Variants in LINGO2 observed in about 807,000 individuals in gnomAD.
LINGO2 encodes leucine rich repeat and Ig domain containing 2.
LINGO2 carries 14 observed loss-of-function variants against 30.6 expected under a neutral mutation model. The observed-to-expected ratio is 0.46, with a 90% confidence interval of 0.30 to 0.72. LINGO2 has a LOEUF of 0.72. Ranked by LOEUF, LINGO2 falls within the 30% of genes least tolerant of loss-of-function variation. The pLI is 0.07. For synonymous variants in LINGO2, 317 were observed against 288.5 expected (o/e 1.10, Z -1.00); for missense variants, 729 against 751.7 (o/e 0.97, Z 0.35).
intron 3 of LINGO2, among the ~76,000 whole-genome samples, chr9:28,346,035 GATTTATCAGA>G (rs1819551641): frequency 1.3e-5 from 2 of 152,238 alleles, no homozygotes; most frequent in African/African-American, 4.8e-5. Flanking sequence ...ACAGATTTCT[GATTTATCAGA>G]AACAAAGACC....
intron 1 of LINGO2, among the ~76,000 whole-genome samples, chr9:28,528,841 T>G (rs1456254208): frequency 6.6e-6 from 1 of 152,110 alleles, no homozygotes; most frequent in South Asian, 2.1e-4. Context: ...TGTATATATA[T>G]TCAAATAAAA....
the LINGO2 span, among the ~76,000 whole-genome samples, chr9:28,866,638 C>T: frequency 6.6e-6 from 1 of 152,236 alleles, no homozygotes; most frequent in East Asian, 1.9e-4. Context: ...ACATTGCAGG[C>T]AGTTACAGGA....
chr9:28,881,000 A>G, the LINGO2 span, among the ~76,000 whole-genome samples: 45 of 152,170 alleles, frequency 3.0e-4, no homozygotes, highest in African/African-American at 8.7e-4. Context: ...CTGCTCTCCG[A>G]CTACATTCCT....
intron 4 of LINGO2, among the ~76,000 whole-genome samples, chr9:28,077,931 C>T (rs1825672507): frequency 6.7e-6 from 1 of 148,902 alleles, no homozygotes; most frequent in Non-Finnish European, 1.5e-5. Flanking sequence ...AAAGAGCAGG[C>T]CTGATTTCAT....
At chr9:28,512,223 C>A (rs1820416830) in intron 1 of LINGO2, among the ~76,000 whole-genome samples, 2 of 152,064 alleles carry the variant, frequency 1.3e-5, no homozygotes. Context: ...GCAGTTCAGG[C>A]TGCATGGTGA....
At chr9:28,519,207 T>G (rs972568152) in intron 1 of LINGO2, among the ~76,000 whole-genome samples, 1 of 150,254 alleles carries the variant, frequency 6.7e-6, no homozygotes, top group Non-Finnish European at 1.5e-5. Context: ...AATTTTGTAT[T>G]TTTTTTTTAG....
chr9:27,993,243 A>T (rs1245040073), intron 5 of LINGO2, among the ~76,000 whole-genome samples: 1 of 152,088 alleles, frequency 6.6e-6, no homozygotes. Context: ...ACATGCATCC[A>T]AAGTTAAGAA....
the LINGO2 span, among the ~76,000 whole-genome samples, chr9:28,867,565 T>C: frequency 4.0e-5 from 6 of 151,802 alleles, no homozygotes; most frequent in South Asian, 1.0e-3. Context: ...AATCACAAAG[T>C]TATTGGAATT....
At chr9:27,956,930 A>G (rs1819599381) in intron 5 of LINGO2, among the ~76,000 whole-genome samples, 1 of 151,986 alleles carries the variant, frequency 6.6e-6, no homozygotes, top group African/African-American at 2.4e-5. Context: ...TCATATCTAC[A>G]AAAATAAAAA....
At chr9:28,436,155 C>T (rs530745605) in intron 2 of LINGO2, among the ~76,000 whole-genome samples, 48 of 152,256 alleles carry the variant, frequency 3.2e-4, no homozygotes, top group Non-Finnish European at 6.3e-4. Context: ...CCTGTAATTG[C>T]AAGGACTTCA....
chr9:28,764,031 A>C, the LINGO2 span, among the ~76,000 whole-genome samples: 1 of 151,606 alleles, frequency 6.6e-6, no homozygotes, highest in Non-Finnish European at 1.5e-5. Flanking sequence ...GTAATGAAAA[A>C]CCTCCCAACA....
chr9:28,624,534 A>T (rs1486757231), intron 1 of LINGO2, among the ~76,000 whole-genome samples: 1 of 152,050 alleles, frequency 6.6e-6, no homozygotes, highest in African/African-American at 2.4e-5. Flanking sequence ...GGTCATGGTA[A>T]ATGATCTTTT....
At chr9:28,407,870 G>T (rs1256428598) in intron 2 of LINGO2, among the ~76,000 whole-genome samples, 2 of 152,008 alleles carry the variant, frequency 1.3e-5, no homozygotes, top group Non-Finnish European at 2.9e-5. Flanking sequence ...CCCCAATGAA[G>T]TCTTCTTTGT....
intron 1 of LINGO2, among the ~76,000 whole-genome samples, chr9:28,526,969 C>T (rs748487589): frequency 6.6e-6 from 1 of 152,082 alleles, no homozygotes; most frequent in Non-Finnish European, 1.5e-5. Flanking sequence ...AATGAGCCAT[C>T]TTTTTATGAA....
chr9:28,567,254 GAACT>G lies in LINGO2; in HGVS notation c.-364-91233_-364-91230del, dbSNP rs997654427. ...AAAATTTCTCAAAGAATTAAAAATA[GAACT>G]AACTACCATTTGACCCAGCAATACC... On this transcript the variant is annotated intron_variant, in intron 1 of 5. Coordinates refer to ENST00000379992, the Ensembl canonical transcript of LINGO2. 1.2e-4 allele frequency among the ~76,000 whole-genome samples: 18 copies of G among 152,128 alleles called. 1 individual carries two copies. Among genetic ancestry groups the G allele is most frequent in the African/African-American group, 3.9e-4 (16 of 41,542 alleles).
chr9:28,118,735 TTG>T (rs1422140841), intron 4 of LINGO2, among the ~76,000 whole-genome samples: 4 of 152,192 alleles, frequency 2.6e-5, no homozygotes, highest in African/African-American at 4.8e-5. Flanking sequence ...TGCTAATTAT[TTG>T]TGCTGTTTTG....
the LINGO2 span, among the ~76,000 whole-genome samples, chr9:28,897,639 C>T: frequency 2.0e-5 from 3 of 152,050 alleles, no homozygotes; most frequent in Non-Finnish European, 4.4e-5. Context: ...ATTAGTTATG[C>T]AACCTTCTAT....
chr9:28,646,497 C>A (rs1224377808), intron 1 of LINGO2, among the ~76,000 whole-genome samples: 1 of 152,006 alleles, frequency 6.6e-6, no homozygotes, highest in Non-Finnish European at 1.5e-5. Flanking sequence ...GTGAAAGAAA[C>A]CATTAAGTTG....
chr9:28,092,768 A>T (rs1826134131), intron 4 of LINGO2, among the ~76,000 whole-genome samples: 1 of 152,036 alleles, frequency 6.6e-6, no homozygotes, highest in African/African-American at 2.4e-5. Flanking sequence ...TCACTATCCA[A>T]AACCAAGCAG....
Sources: gnomAD v4.1 joint callset for allele counts (sites outside exome capture counted in the v4.1 genomes callset) on GRCh38, gnomAD v4.1.1 for gene constraint, MANE v1.5 for transcripts, NCBI Gene and HGNC (gene_info 2026-07-23, HGNC 2026-07-21) for gene names.